The following CACNA1S variants were observed in gnomAD, a reference collection of about 807,000 sequenced individuals.
The protein encoded by CACNA1S is calcium voltage-gated channel subunit alpha1 S.
CACNA1S carries 126 observed loss-of-function variants against 207.4 expected under a neutral mutation model. The observed-to-expected ratio is 0.61, with a 90% CI of 0.53 to 0.70. The LOEUF (loss-of-function observed/expected upper bound fraction) is 0.70, where lower values mean the gene tolerates loss of function less well. Ranked by LOEUF, CACNA1S falls within the 30% of genes least tolerant of loss-of-function variation. CACNA1S has a pLI of 0.00. For missense variants in CACNA1S, 2,349 were observed against 2,422.8 expected (o/e 0.97, Z 0.64); for synonymous variants, 960 against 932.7 (o/e 1.03, Z -0.53).
chr1:201,075,030 C>A (rs537005530), intron 13 of CACNA1S, among the ~76,000 whole-genome samples: 5 of 152,318 alleles, frequency 3.3e-5, no homozygotes, highest in African/African-American at 1.2e-4. Context: ...AACTCTCCGG[C>A]CCCATCCACC....
At chr1:201,040,185 GC>G in intron 43 of CACNA1S, 45 bp downstream of exon 43, 1 of 1,612,272 alleles carries the variant, frequency 6.2e-7, no homozygotes, top group Non-Finnish European at 8.5e-7. Flanking sequence ...CCATCACAGG[GC>G]CACCACTCAA....
rs1660691571 is a variant in CACNA1S at position 201,052,565 on chromosome 1, C to A, written c.3945G>T (p.Leu1315=). Residue 1315 remains leucine, a synonymous_variant, in exon 32 of 44, where the codon CTG becomes CTT. Coordinates refer to ENST00000362061, the MANE Select transcript of CACNA1S (RefSeq NM_000069.3). ...NFQTFPQAVL[L]LFRCATGEAW... is the part of the protein sequence containing the mutation. ...TGGCGGGAGACGCGTGCCTGAAGAGCAGTAGCACAGCTTGTGGGAAGGTCT... is the reference window on the plus strand; with the variant it reads ...TGGCGGGAGACGCGTGCCTGAAGAGAAGTAGCACAGCTTGTGGGAAGGTCT... 1.9e-6 allele frequency: 3 copies of A among 1,612,994 alleles called. No individual in the cohort carries two copies. Among genetic ancestry groups the A allele is most frequent in the Non-Finnish European group, 1.7e-6 (2 of 1,179,200 alleles).
rs1660565452 is a variant in CACNA1S, at chr1:201,049,022, G to C, written c.4319C>G (p.Pro1440Arg). The C allele has an allele frequency of 6.2e-7, 1 of 1,613,624 alleles. No individual in the cohort carries two copies. Among genetic ancestry groups the C allele is most frequent in the Non-Finnish European group, 8.5e-7 (1 of 1,179,722 alleles). The change falls in exon 35 of 44, where the codon CCA becomes CGA. Residue 1440 changes from proline (P) to arginine (R), a missense_variant. By Grantham distance (103) the Pro-to-Arg change is moderately radical. Coordinates refer to ENST00000362061, the MANE Select transcript of CACNA1S (RefSeq NM_000069.3). Reference sequence around the variant, plus strand: ...GGTTACCTTACAAGCTACCCGATGTGGGCAGAACTTCCCAAAGCCCAGAGG... The same window carrying C: ...GGTTACCTTACAAGCTACCCGATGTCGGCAGAACTTCCCAAAGCCCAGAGG... ...QPPLGFGKFC[P>R]HRVACKRLVG...
chr1:201,066,047 G>T lies in CACNA1S; in HGVS notation c.2746-102C>A. ...AGTGCAAGACTTGCTGCCTCCTGAT[G>T]AGTTGGAGGTGGGGAAAGGCTGGTG... On this transcript the variant is annotated intron_variant, in intron 21 of 43. Transcript: ENST00000362061. This position sits in a 1 kb window ranked among gnomAD's most constrained non-coding sequence, Gnocchi z 4.3. 1.0e-6 allele frequency: 1 copy of T among 968,082 alleles called. No individual in the cohort carries two copies. The highest frequency in any genetic ancestry group is 1.6e-6 in the Non-Finnish European group (1 of 613,830). The allele number at this position is 968,082 out of a possible 1,614,324, so 60.0% of individuals were successfully genotyped here. A position where few individuals can be genotyped will look rare whatever the true frequency, so the allele number is the denominator to read the frequency against.
intron 11 of CACNA1S, 96 bp downstream of exon 11, chr1:201,077,783 C>G: frequency 1.2e-6 from 1 of 803,368 alleles, no homozygotes; most frequent in Non-Finnish European, 2.1e-6. Context: ...TGAACCTGCA[C>G]AGATCCCAGA....
chr1:201,088,002 T>C, intron 6 of CACNA1S, 73 bp from the exon 7 acceptor site: 1 of 974,202 alleles, frequency 1.0e-6, no homozygotes, highest in Non-Finnish European at 1.6e-6. Flanking sequence ...TCATTAAGAC[T>C]CCACCCAACC....
chr1:201,075,657 C>A (rs776945244), intron 12 of CACNA1S, 42 bp from the exon 13 acceptor site: 7 of 1,609,290 alleles, frequency 4.3e-6, no homozygotes, highest in Admixed American at 3.3e-5. Flanking sequence ...CACAGAGGGG[C>A]CTGAGAGTCT....
At chr1:201,100,733 C>T (rs1252597644) in intron 2 of CACNA1S, among the ~76,000 whole-genome samples, 1 of 152,114 alleles carries the variant, frequency 6.6e-6, no homozygotes, top group Non-Finnish European at 1.5e-5. Flanking sequence ...GAAAGGGAGA[C>T]CAGTGCTGTC....
chr1:201,106,050 T>C (rs1198401102), intron 2 of CACNA1S, among the ~76,000 whole-genome samples: 1 of 152,174 alleles, frequency 6.6e-6, no homozygotes, highest in African/African-American at 2.4e-5. Context: ...CATCTGAAGT[T>C]GAACTCACCA....
chr1:201,069,155 A>G lies in CACNA1S; in HGVS notation c.2532T>C (p.Thr844=). ...HFDIGFTSVF[T]VEIVLKMTTY... ...CACTCACCTTGAGGACAATCTCCAC[A>G]GTGAAGACAGAGGTGAACCCGATGT... is the stretch of plus-strand genomic sequence containing the variant. Residue 844 remains threonine, a synonymous_variant, in exon 19 of 44, where the codon ACT becomes ACC. Transcript: ENST00000362061. 1 of 1,614,140 alleles carries G rather than the reference A, an allele frequency of 6.2e-7. No homozygotes were observed. Among genetic ancestry groups the G allele is most frequent in the South Asian group, 1.1e-5 (1 of 91,072 alleles).
Position 201,089,270 on chromosome 1 carries a change from G to A in CACNA1S, c.888C>T (p.Asp296=), listed in dbSNP as rs775610804. The A allele has an allele frequency of 4.8e-5, 78 of 1,614,084 alleles. No homozygotes were observed. The highest frequency in any genetic ancestry group is 6.6e-5 in the South Asian group (6 of 91,094). Residue 296 remains aspartate (D), a synonymous_variant, in exon 6 of 44, where the codon GAC becomes GAT. Transcript: ENST00000362061. ...GGCCCAGACCCACCCAGTAAAGGAC[G>A]TCAGTCCATCCCTCCATGGTAATGC... ...YQCITMEGWT[D]VLYWVNDAIG... is the part of the protein sequence containing the mutation.
rs771399672 is a variant in CACNA1S, at chr1:201,043,493, C to T, written c.4836G>A (p.Leu1612=). Residue 1612 remains leucine, a synonymous_variant, in exon 40 of 44, where the codon CTG becomes CTA. Coordinates refer to ENST00000362061, the MANE Select transcript of CACNA1S (RefSeq NM_000069.3). ...GGLFGQVDNF[L]ERTNSLPPVM... ...CGGGGGGCAGGGAGTTGGTCCTTTC[C>T]AGGAAGTTGTCCACCTGGCCAAACA... is the stretch of plus-strand genomic sequence containing the variant. The T allele has an allele frequency of 2.0e-5, 32 of 1,613,910 alleles. 1 individual carries two copies. The East Asian group carries it at 6.7e-4, about 34-fold the overall frequency.
chr1:201,066,288 G>A lies in CACNA1S; in HGVS notation c.2686C>T (p.Leu896=). Residue 896 remains leucine, a synonymous_variant, in exon 21 of 44, where the codon CTG becomes TTG. Coordinates refer to ENST00000362061, the MANE Select transcript of CACNA1S (RefSeq NM_000069.3). This position sits in a 1 kb window ranked among gnomAD's most constrained non-coding sequence, Gnocchi z 4.3. ...ESSAISVVKI[L]RVLRVLRPLR... ...GGTCGGAGCACCCTCAGCACCCTCAGGATCTTCACCACGGAGATGGCACTG... is the reference window on the plus strand; with the variant it reads ...GGTCGGAGCACCCTCAGCACCCTCAAGATCTTCACCACGGAGATGGCACTG... The A allele has an allele frequency of 6.2e-7, 1 of 1,612,988 alleles. No homozygotes were observed. The highest frequency in any genetic ancestry group is 1.3e-5 in the African/African-American group (1 of 74,998).
rs12067893 is a variant in CACNA1S at position 201,097,554 on chromosome 1, G to T, written c.259-3533C>A. Among the ~76,000 whole-genome samples the T allele has an allele frequency of 4.2e-3, 633 of 152,256 alleles. 3 individuals are homozygous for T. The highest frequency in any genetic ancestry group is 0.014 in the African/African-American group (596 of 41,536). On this transcript the variant is annotated intron_variant, in intron 2 of 43. Transcript: ENST00000362061. ...ACCCCCCACAGGGAGCACCAGCTCT[G>T]TGTCCTCACTGTCCCCTATAACCCT...
chr1:201,090,285 G>A (rs965089533), intron 5 of CACNA1S, among the ~76,000 whole-genome samples: 1 of 152,190 alleles, frequency 6.6e-6, no homozygotes, highest in African/African-American at 2.4e-5. Context: ...GATCTCATGA[G>A]AACACCAGTG....
At chr1:201,046,476 TG>T (rs80180830) in intron 38 of CACNA1S, among the ~76,000 whole-genome samples, 8,019 of 151,944 alleles carry the variant, frequency 0.053, 433 homozygotes, top group East Asian at 0.24. Context: ...CCACCGCACC[TG>T]GACCCATACC....
At chr1:201,098,811 T>C (rs965119406) in intron 2 of CACNA1S, among the ~76,000 whole-genome samples, 1 of 151,994 alleles carries the variant, frequency 6.6e-6, no homozygotes, top group African/African-American at 2.4e-5. Context: ...AGGTGAGAGC[T>C]CCCTTACCTC....
intron 40 of CACNA1S, 130 bp downstream of exon 40, chr1:201,043,151 G>A (rs1162718449): frequency 1.6e-6 from 2 of 1,213,618 alleles, no homozygotes; most frequent in East Asian, 4.7e-5. Flanking sequence ...GGTTCAGGAT[G>A]GATTGGGGCA....
chr1:201,067,016 C>A, intron 19 of CACNA1S, 23 bp from the exon 20 acceptor site: 1 of 1,532,778 alleles, frequency 6.5e-7, no homozygotes, highest in East Asian at 2.3e-5. Flanking sequence ...AGGCAGCAGC[C>A]TGGATGGAGG....
Sources: allele counts gnomAD v4.1 joint callset (sites outside exome capture counted in the v4.1 genomes callset), GRCh38; gene constraint gnomAD v4.1.1; non-coding constraint Gnocchi (gnomAD v3.1); transcripts MANE v1.5; gene names NCBI Gene and HGNC (gene_info 2026-07-23, HGNC 2026-07-21).